The following PREX1 variants were observed in gnomAD, a reference collection of about 807,000 sequenced individuals.
The protein encoded by PREX1 is phosphatidylinositol-3,4,5-trisphosphate dependent Rac exchange factor 1, also known as phosphatidylinositol 3,4,5-trisphosphate-dependent Rac exchanger 1 protein.
Under a neutral mutation model 198.3 loss-of-function variants are expected in PREX1, and 41 were observed. The observed-to-expected ratio is 0.21, with a 90% confidence interval of 0.16 to 0.27. The LOEUF is 0.27. PREX1 is among the 10% of genes least tolerant of loss of function. The pLI is 1.00. For synonymous variants in PREX1, 843 were observed against 887.2 expected (o/e 0.95, Z 0.89); for missense variants, 1,620 against 2,200.7 (o/e 0.74, Z 5.28).
intron 13 of PREX1, among the ~76,000 whole-genome samples, chr20:48,678,930 G>A (rs1819679859): frequency 6.6e-6 from 1 of 152,216 alleles, no homozygotes; most frequent in African/African-American, 2.4e-5. Flanking sequence ...AGACCCCTGT[G>A]ATATGGAGGC....
intron 1 of PREX1, among the ~76,000 whole-genome samples, chr20:48,769,167 C>CCA (rs933579731): frequency 6.6e-6 from 1 of 152,178 alleles, no homozygotes; most frequent in African/African-American, 2.4e-5. Flanking sequence ...GAGCCACCCT[C>CCA]CACACACACC....
At chr20:48,801,237 T>A (rs1335082032) in intron 1 of PREX1, among the ~76,000 whole-genome samples, 1 of 152,210 alleles carries the variant, frequency 6.6e-6, no homozygotes, top group Non-Finnish European at 1.5e-5. Flanking sequence ...GTGGAAACCA[T>A]GCGAGCTGCG....
chr20:48,745,260 T>C, intron 2 of PREX1, 113 bp from the exon 3 acceptor site: 2 of 1,173,368 alleles, frequency 1.7e-6, no homozygotes, highest in Non-Finnish European at 1.2e-6. Context: ...AAAGAAGAAC[T>C]CTCAAACACC....
rs554481094 is a variant in PREX1, at chr20:48,638,280, A to T, written c.3905-528T>A. Among the ~76,000 whole-genome samples, 13 of 152,240 alleles carry T rather than the reference A, an allele frequency of 8.5e-5. No homozygotes were observed. The South Asian group carries it at 1.9e-3, about 22-fold the overall frequency. The stretch of plus-strand genomic sequence containing the variant: ...TGCACTCATCTGCAGACTCACATAC[A>T]TATGTACACACACAGGTACACACAC... On this transcript the variant is annotated intron_variant, in intron 30 of 39. Transcript: ENST00000371941.
chr20:48,637,585 G>T, intron 31 of PREX1, 126 bp downstream of exon 31: 2 of 972,322 alleles, frequency 2.1e-6, no homozygotes, highest in Non-Finnish European at 3.0e-6. Flanking sequence ...GTTTCAAGTA[G>T]CTCTTGGAGG....
At chr20:48,725,249 C>T (rs2090004524) in intron 5 of PREX1, among the ~76,000 whole-genome samples, 1 of 152,332 alleles carries the variant, frequency 6.6e-6, no homozygotes, top group African/African-American at 2.4e-5. Context: ...CAAATTAATC[C>T]CCCCACAGGG....
chr20:48,796,056 C>T (rs1233627750), intron 1 of PREX1, among the ~76,000 whole-genome samples: 1 of 152,148 alleles, frequency 6.6e-6, no homozygotes, highest in African/African-American at 2.4e-5. Context: ...ACCAGGAACA[C>T]GAAGGGGTAG....
intron 7 of PREX1, among the ~76,000 whole-genome samples, chr20:48,695,180 GA>G (rs1159825590): frequency 1.3e-5 from 2 of 152,112 alleles, no homozygotes; most frequent in Non-Finnish European, 2.9e-5. Flanking sequence ...CTCTTCCCCT[GA>G]CAAGGGTAAC....
At chr20:48,653,777 G>C (rs111250887) in intron 19 of PREX1, among the ~76,000 whole-genome samples, 1 of 152,188 alleles carries the variant, frequency 6.6e-6, no homozygotes, top group African/African-American at 2.4e-5. Flanking sequence ...CTAGAACCTC[G>C]TCTCCTTTAA....
chr20:48,777,609 A>G (rs1196678960), intron 1 of PREX1, among the ~76,000 whole-genome samples: 1 of 152,216 alleles, frequency 6.6e-6, no homozygotes, highest in Non-Finnish European at 1.5e-5. Flanking sequence ...CAAGGTAGCC[A>G]CAACCACACA....
intron 1 of PREX1, among the ~76,000 whole-genome samples, chr20:48,759,475 G>C (rs569399164): frequency 2.0e-5 from 3 of 148,884 alleles, no homozygotes; most frequent in Admixed American, 6.8e-5. Context: ...ATTTGAACCT[G>C]GGAAGCAGAG....
At position 48,661,468 on chromosome 20, in the gene PREX1, T is replaced by TATATATATAC. The variant is rs1373152651; in HGVS notation, c.1739-1408_1739-1407insGTATATATAT. ...AAATATATATATATATATATATATA[T>TATATATATAC]ACACACACATATATATAATATAATA... is the stretch of plus-strand genomic sequence containing the variant. On this transcript the variant is annotated intron_variant, in intron 15 of 39. Coordinates refer to ENST00000371941, the MANE Select transcript of PREX1 (RefSeq NM_020820.4). Among the ~76,000 whole-genome samples the TATATATATAC allele has an allele frequency of 3.0e-3, 233 of 76,712 alleles. 2 individuals are homozygous for TATATATATAC. Among genetic ancestry groups the TATATATATAC allele is most frequent in the African/African-American group, 4.3e-3 (43 of 9,932 alleles). 50.3% of individuals were successfully genotyped at this position (76,712 alleles called of 152,430 possible). A position where few individuals can be genotyped will look rare whatever the true frequency, so the allele number is the denominator to read the frequency against.
chr20:48,629,436 G>A lies in PREX1; in HGVS notation c.4766+13C>T, dbSNP rs761642639. On this transcript the variant is annotated intron_variant, in intron 37 of 39. Coordinates refer to ENST00000371941, the MANE Select transcript of PREX1 (RefSeq NM_020820.4). ...CCCCTCCCCACACCCCGACTCAGCG[G>A]GCAGCAGCTCACCTCTGCATGCCTG... 152 of 1,610,148 alleles carry A rather than the reference G, an allele frequency of 9.4e-5. 1 individual carries two copies. Among genetic ancestry groups the A allele is most frequent in the Non-Finnish European group, 1.2e-4 (143 of 1,177,630 alleles).
chr20:48,667,698 A>AC (rs1470235669), intron 14 of PREX1, among the ~76,000 whole-genome samples: 1 of 152,264 alleles, frequency 6.6e-6, no homozygotes, highest in Non-Finnish European at 1.5e-5. Context: ...GAAGGAAGTG[A>AC]CATCCAACCC....
chr20:48,816,166 C>T (rs1428832647), intron 1 of PREX1, among the ~76,000 whole-genome samples: 2 of 152,140 alleles, frequency 1.3e-5, no homozygotes, highest in Non-Finnish European at 2.9e-5. Flanking sequence ...CAGAATGAGG[C>T]CAACAGCCAA....
chr20:48,729,531 T>C (rs1026678147), intron 4 of PREX1, among the ~76,000 whole-genome samples: 3 of 152,100 alleles, frequency 2.0e-5, no homozygotes, highest in African/African-American at 7.2e-5. Context: ...CAAAAGGGAA[T>C]GTTTATTTCC....
intron 5 of PREX1, among the ~76,000 whole-genome samples, chr20:48,718,626 G>A (rs1015088339): frequency 6.6e-6 from 1 of 152,094 alleles, no homozygotes; most frequent in Admixed American, 6.5e-5. Context: ...TGAACTCTAT[G>A]GAGTTAACAA....
At chr20:48,699,425 G>C (rs1159202955) in intron 7 of PREX1, among the ~76,000 whole-genome samples, 1 of 152,010 alleles carries the variant, frequency 6.6e-6, no homozygotes, top group Non-Finnish European at 1.5e-5. Flanking sequence ...TTAAGGTCAG[G>C]AATCTCTCTG....
In PREX1 at chr20:48,681,066, A is replaced by G. The variant is rs73911628; in HGVS notation, c.1435+169T>C. 3.0e-3 allele frequency among the ~76,000 whole-genome samples: 456 copies of G among 152,310 alleles called. 4 individuals carry two copies. Among genetic ancestry groups the G allele is most frequent in the African/African-American group, 0.011 (438 of 41,572 alleles). ...AGGTATCCCTGATTTGCTGGTGCCT[A>G]AGAGGCAGTTTTACAAGGGCATCCA... On this transcript the variant is annotated intron_variant, in intron 11 of 39. Coordinates refer to ENST00000371941, the MANE Select transcript of PREX1 (RefSeq NM_020820.4).
Sources: allele counts gnomAD v4.1 joint callset (sites outside exome capture counted in the v4.1 genomes callset), GRCh38; gene constraint gnomAD v4.1.1; transcripts MANE v1.5; gene names NCBI Gene and HGNC (gene_info 2026-07-23, HGNC 2026-07-21).